The following MEMO1 variants were observed in gnomAD, a reference collection of about 807,000 sequenced individuals.
The protein encoded by MEMO1 is mediator of cell motility 1, also known as protein MEMO1.
A neutral mutation model predicts 45.2 loss-of-function variants in MEMO1; 6 were observed. That is an observed-to-expected ratio of 0.13 (90% CI 0.07 to 0.26). The LOEUF (loss-of-function observed/expected upper bound fraction) is 0.26, where lower values mean the gene tolerates loss of function less well. Among genes scored for constraint, MEMO1 ranks in the 10% least tolerant of loss-of-function variants. The pLI is 1.00. For synonymous variants in MEMO1, 78 were observed against 124.3 expected, an observed-to-expected ratio of 0.63 and a Z score of 2.48; for missense variants, 184 against 370.5, an observed-to-expected ratio of 0.50 and a Z score of 4.13.
chr2:31,878,094 AAT>A (rs1163753829), intron 8 of MEMO1, among the ~76,000 whole-genome samples: 1 of 152,198 alleles, frequency 6.6e-6, no homozygotes, highest in Non-Finnish European at 1.5e-5. Flanking sequence ...TGCAAAATTA[AAT>A]AGAGTAGTCA....
intron 2 of MEMO1, among the ~76,000 whole-genome samples, chr2:31,980,812 G>A (rs1320930775): frequency 6.6e-6 from 1 of 152,084 alleles, no homozygotes; most frequent in Non-Finnish European, 1.5e-5. Flanking sequence ...ATTACTTGTT[G>A]ACCACAGCCA....
chr2:31,923,509 T>C (rs1272880499), intron 4 of MEMO1: 1 of 1,019,382 alleles, frequency 9.8e-7, no homozygotes, highest in East Asian at 3.2e-5. Context: ...GATAGCACTC[T>C]GGTCACCTAT....
intron 6 of MEMO1, among the ~76,000 whole-genome samples, chr2:31,899,473 G>A (rs1385215077): frequency 1.3e-5 from 2 of 152,164 alleles, no homozygotes; most frequent in African/African-American, 4.8e-5. Flanking sequence ...GGGAAAACTG[G>A]CTAGCTATAT....
At chr2:31,873,233 G>A (rs1674052498) in intron 8 of MEMO1, among the ~76,000 whole-genome samples, 1 of 152,130 alleles carries the variant, frequency 6.6e-6, no homozygotes, top group Non-Finnish European at 1.5e-5. Context: ...ATGTGGAGGA[G>A]TGAAATGGGT....
chr2:31,930,311 C>T (rs1423190739), intron 4 of MEMO1, among the ~76,000 whole-genome samples: 1 of 152,058 alleles, frequency 6.6e-6, no homozygotes, highest in Admixed American at 6.6e-5. Context: ...TCACATCAGC[C>T]ATCATTTGCC....
At chr2:31,969,023 TA>T (rs1032680701) in intron 2 of MEMO1, among the ~76,000 whole-genome samples, 3 of 151,972 alleles carry the variant, frequency 2.0e-5, no homozygotes, top group Admixed American at 1.3e-4. Context: ...CATATGTGCA[TA>T]ATATATATTA....
rs573686348 is a variant in MEMO1, at chr2:32,002,788, A to G, written c.61+7399T>C. Among the ~76,000 whole-genome samples, 12 of 152,332 alleles carry G rather than the reference A, an allele frequency of 7.9e-5. No homozygotes were observed. The East Asian group carries it at 2.1e-3, about 27-fold the overall frequency. On this transcript the variant is annotated intron_variant, in intron 2 of 9. Coordinates refer to ENST00000404530, the MANE Select transcript of MEMO1 (RefSeq NM_001301833.4). ...TTCAAATGGACAAAAACTCAAAAGC[A>G]GTTGACACGAACCATGGAGACAGTG...
At chr2:32,004,677 C>T (rs1673822027) in intron 2 of MEMO1, among the ~76,000 whole-genome samples, 1 of 152,046 alleles carries the variant, frequency 6.6e-6, no homozygotes, top group Non-Finnish European at 1.5e-5. Flanking sequence ...AATCCCAGTA[C>T]TTTGGGAGGC....
chr2:31,875,655 C>T (rs574439698), intron 8 of MEMO1, among the ~76,000 whole-genome samples: 1 of 152,182 alleles, frequency 6.6e-6, no homozygotes, highest in South Asian at 2.1e-4. Context: ...CTCCCTTGAA[C>T]TTCTGCCAAT....
At chr2:31,938,759 C>G (rs1665239705) in intron 3 of MEMO1, among the ~76,000 whole-genome samples, 1 of 151,182 alleles carries the variant, frequency 6.6e-6, no homozygotes, top group Non-Finnish European at 1.5e-5. Context: ...TATTAAATAG[C>G]ATAACCCTTT....
intron 2 of MEMO1, among the ~76,000 whole-genome samples, chr2:31,973,470 A>G (rs1669643607): frequency 6.6e-6 from 1 of 152,130 alleles, no homozygotes; most frequent in African/African-American, 2.4e-5. Flanking sequence ...AGAAAAAAAA[A>G]AAGAATTAAA....
At chr2:31,916,469 T>C (rs545844744) in intron 6 of MEMO1, among the ~76,000 whole-genome samples, 15 of 152,326 alleles carry the variant, frequency 9.8e-5, no homozygotes, top group Admixed American at 6.5e-4. Context: ...GCTCAAGCCA[T>C]GTGCCCACCT....
At chr2:31,897,531 A>G (rs1309038228) in intron 6 of MEMO1, among the ~76,000 whole-genome samples, 2 of 152,152 alleles carry the variant, frequency 1.3e-5, no homozygotes, top group East Asian at 1.9e-4. Context: ...ATCGATTTGT[A>G]TATGTTGAAC....
At chr2:32,002,186 T>TATACACACACAC (rs753352927) in intron 2 of MEMO1, among the ~76,000 whole-genome samples, 5 of 116,064 alleles carry the variant, frequency 4.3e-5, no homozygotes, top group African/African-American at 1.8e-4. Flanking sequence ...TATATATATA[T>TATACACACACAC]ACACACACAC....
intron 4 of MEMO1, among the ~76,000 whole-genome samples, chr2:31,930,766 C>T (rs550418005): frequency 4.0e-5 from 6 of 151,632 alleles, no homozygotes; most frequent in African/African-American, 1.5e-4. Context: ...CTGCCTCAGC[C>T]TCCCAAGTAG....
intron 4 of MEMO1, among the ~76,000 whole-genome samples, chr2:31,928,534 G>A (rs1400213832): frequency 8.3e-6 from 1 of 120,244 alleles, no homozygotes; most frequent in Non-Finnish European, 1.7e-5. Context: ...GTGACAAAGA[G>A]AGACTCCATC....
chr2:32,005,119 A>C (rs1206239134), intron 2 of MEMO1, among the ~76,000 whole-genome samples: 2 of 152,096 alleles, frequency 1.3e-5, no homozygotes, highest in Non-Finnish European at 2.9e-5. Context: ...TGAACAAAGT[A>C]CAATACAACA....
intron 8 of MEMO1, among the ~76,000 whole-genome samples, chr2:31,873,002 T>C (rs1283312439): frequency 1.3e-5 from 2 of 152,178 alleles, no homozygotes; most frequent in Admixed American, 6.5e-5. Context: ...AGCTATGAGA[T>C]TACTATTAGG....
At chr2:31,969,572 GGGGTGTGTGTGTGGGTGTGTGT>G (rs1172426511) in intron 2 of MEMO1, among the ~76,000 whole-genome samples, 11 of 108,542 alleles carry the variant, frequency 1.0e-4, no homozygotes, top group South Asian at 2.7e-4. Context: ...ATCTTTTCTG[GGGGTGTGTGTGTGGGTGTGTGT>G]GTGTGTGTGT....
Sources: gnomAD v4.1 joint callset for allele counts (sites outside exome capture counted in the v4.1 genomes callset) on GRCh38, gnomAD v4.1.1 for gene constraint, MANE v1.5 for transcripts, NCBI Gene and HGNC (gene_info 2026-07-23, HGNC 2026-07-21) for gene names.